GCC2: variants seen among roughly 807,000 people sequenced by gnomAD.
GCC2 encodes the protein GRIP and coiled-coil domain containing 2, also known as GRIP and coiled-coil domain-containing protein 2.
GCC2 carries 120 observed loss-of-function variants against 210.6 expected under a neutral mutation model. The observed-to-expected ratio is 0.57, with a 90% CI of 0.49 to 0.66. The LOEUF (loss-of-function observed/expected upper bound fraction) is 0.66. Ranked by LOEUF, GCC2 falls within the 30% of genes least tolerant of loss-of-function variation. The probability of loss-of-function intolerance (pLI) is 0.00; values close to 1 mark genes in which losing one functional copy is unlikely to be tolerated. For missense variants in GCC2, 1,868 were observed against 1,871.9 expected (o/e 1.00, Z 0.04); for synonymous variants, 703 against 652.7 (o/e 1.08, Z -1.17).
chr2:108,487,668 G>C, intron 16 of GCC2, 31 bp from the exon 17 acceptor site: 3 of 1,580,096 alleles, frequency 1.9e-6, no homozygotes, highest in Non-Finnish European at 2.6e-6. Flanking sequence ...TGTTACAGTA[G>C]AAAAACGTTT....
chr2:108,470,076 A>G lies in GCC2; in HGVS notation c.747A>G (p.Gln249=), dbSNP rs1157395042. The change falls in exon 6 of 23, where the codon CAA becomes CAG. Residue 249 remains glutamine (Q), a synonymous_variant. Coordinates refer to ENST00000309863, the MANE Select transcript of GCC2 (RefSeq NM_181453.4). ...TTTTACAGTTGAAAGCTATACACCAAGAAGAGGTGAAAGAGTTGATGTGCC... is the reference window on the plus strand; with the variant it reads ...TTTTACAGTTGAAAGCTATACACCAGGAAGAGGTGAAAGAGTTGATGTGCC... ...EELLQLKAIH[Q]EEVKELMCQI... 6.2e-7 allele frequency: 1 copy of G among 1,613,778 alleles called. No individual in the cohort carries two copies. The highest frequency in any genetic ancestry group is 1.7e-5 in the Admixed American group (1 of 60,016).
chr2:108,477,178 G>C (rs1681584324), intron 9 of GCC2, among the ~76,000 whole-genome samples: 1 of 151,946 alleles, frequency 6.6e-6, no homozygotes, highest in Non-Finnish European at 1.5e-5. Context: ...AAAGAAAAAA[G>C]TGACATCCTA....
chr2:108,470,971 C>A lies in GCC2; in HGVS notation c.1642C>A (p.Leu548Ile). ...CCTCCAGGGAGAAAATGAAAAGTTA[C>A]TATCTCAACAAGAATTGGTACCAGA... Reference protein sequence around the residue: ...NRLQGENEKLLSQQELVPELE... With the variant: ...NRLQGENEKLISQQELVPELE... Residue 548 changes from leucine to isoleucine, a missense_variant, in exon 6 of 23, where the codon CTA (leucine) becomes ATA (isoleucine). Leu to Ile is a conservative substitution (Grantham distance 5). Coordinates refer to ENST00000309863, the MANE Select transcript of GCC2 (RefSeq NM_181453.4). 6.2e-7 allele frequency: 1 copy of A among 1,613,146 alleles called. No individual in the cohort carries two copies. Among genetic ancestry groups the A allele is most frequent in the South Asian group, 1.1e-5 (1 of 91,030 alleles).
At chr2:108,493,242 A>T in intron 19 of GCC2, 2 of 346,080 alleles carry the variant, frequency 5.8e-6, no homozygotes, top group Non-Finnish European at 8.6e-6. Flanking sequence ...GGTGCCTGCC[A>T]CCAGGCCGGC....
chr2:108,500,113 G>A (rs930728527), intron 22 of GCC2, among the ~76,000 whole-genome samples: 2 of 151,132 alleles, frequency 1.3e-5, no homozygotes, highest in African/African-American at 2.4e-5. Context: ...TCTACTTCAC[G>A]CCTCTTCCTT....
At chr2:108,453,093 A>G (rs567098204) in intron 4 of GCC2, among the ~76,000 whole-genome samples, 1 of 152,342 alleles carries the variant, frequency 6.6e-6, no homozygotes, top group Admixed American at 6.5e-5. Context: ...TGTACAGTAT[A>G]TAATCTATAG....
At position 108,481,773 on chromosome 2, in the gene GCC2, G is replaced by C; in HGVS notation, c.3137G>C (p.Arg1046Pro). ...EKERANNFEH[R>P]IEDLTRQLRN... is the part of the protein sequence containing the mutation. ...GAACGTGCTAATAATTTTGAGCATC[G>C]TATTGAAGACCTTACAAGACAATTA... is the stretch of plus-strand genomic sequence containing the variant. The change falls in exon 10 of 23, where the codon CGT becomes CCT. Residue 1046 changes from arginine (R) to proline (P), a missense_variant. Around this residue, in one of 3 missense-constraint regions of GCC2, gnomAD observed 1,847 missense variants for 1,765.2 expected, o/e 1.05. Coordinates refer to ENST00000309863, the MANE Select transcript of GCC2 (RefSeq NM_181453.4). The C allele has an allele frequency of 3.1e-6, 5 of 1,602,960 alleles. No homozygotes were observed. Among genetic ancestry groups the C allele is most frequent in the Non-Finnish European group, 4.3e-6 (5 of 1,173,744 alleles).
rs73954346 is a variant in GCC2 at position 108,452,435 on chromosome 2, C to G, written c.185C>G (p.Pro62Arg). 4,255 of 1,558,460 alleles carry G rather than the reference C, an allele frequency of 2.7e-3. 101 individuals carry two copies. In the African/African-American group the frequency reaches 0.052, roughly 19 times the overall value. The change falls in exon 4 of 23, where the codon CCT becomes CGT. Residue 62 changes from proline to arginine, a missense_variant. This residue lies in a region of GCC2 where 1,847 missense variants were observed against 1,765.2 expected (regional missense o/e 1.05). Coordinates refer to ENST00000309863, the MANE Select transcript of GCC2 (RefSeq NM_181453.4). ...EKEIEELRSK[P>R]VTEGTGDIIK... ...GAAATTGAAGAACTCAGATCAAAAC[C>G]TGTTACTGAAGGAACTGGTGATATT...
rs1249329980 is a variant in GCC2 at position 108,483,064 on chromosome 2, A to G, written c.3348A>G (p.Glu1116=). The change falls in exon 12 of 23, where the codon GAA becomes GAG. Residue 1116 remains glutamate (E), a splice_region_variant and synonymous_variant. Transcript: ENST00000309863. ...EKLQKEQKIK[E]HATTVNELEE... The stretch of plus-strand genomic sequence containing the variant: ...GTTGTTTTTATTTTTAATTTCAGGA[A>G]CATGCCACTACTGTAAATGAACTTG... The G allele has an allele frequency of 1.3e-6, 2 of 1,512,006 alleles. No individual in the cohort carries two copies. Among genetic ancestry groups the G allele is most frequent in the South Asian group, 1.1e-5 (1 of 88,480 alleles). 93.7% of individuals were successfully genotyped at this position (1,512,006 alleles called of 1,614,324 possible). A position where few individuals can be genotyped will look rare whatever the true frequency, so the allele number is the denominator to read the frequency against.
rs760868283 is a variant in GCC2, at chr2:108,470,663, T to C, written c.1334T>C (p.Leu445Ser). ...KEISELNETF[L>S]SDSEKEKLTL... ...ATATCAGAACTAAATGAGACATTTT[T>C]GTCAGATTCAGAAAAAGAAAAATTA... The change falls in exon 6 of 23, where the codon TTG becomes TCG. Residue 445 changes from leucine (L) to serine (S), a missense_variant. Coordinates refer to ENST00000309863, the MANE Select transcript of GCC2 (RefSeq NM_181453.4). 7 of 1,611,930 alleles carry C rather than the reference T, an allele frequency of 4.3e-6. No homozygotes were observed. Among genetic ancestry groups the C allele is most frequent in the Non-Finnish European group, 5.9e-6 (7 of 1,178,844 alleles).
chr2:108,463,607 A>G (rs1017646360), intron 4 of GCC2, among the ~76,000 whole-genome samples: 3 of 152,082 alleles, frequency 2.0e-5, no homozygotes, highest in Admixed American at 2.0e-4. Context: ...TGGATTGAGC[A>G]TGCCTGTCCC....
At chr2:108,451,150 T>C in intron 3 of GCC2, 38 bp downstream of exon 3, 1 of 1,240,348 alleles carries the variant, frequency 8.1e-7, no homozygotes. Context: ...TCACAGTCTC[T>C]TTAATCGTGG....
chr2:108,492,381 C>G (rs1682447049), intron 18 of GCC2, among the ~76,000 whole-genome samples, 192 bp from the exon 19 acceptor site: 1 of 152,202 alleles, frequency 6.6e-6, no homozygotes, highest in Non-Finnish European at 1.5e-5. Flanking sequence ...ATTATTTGAA[C>G]TAGATGACAG....
intron 9 of GCC2, among the ~76,000 whole-genome samples, chr2:108,478,096 A>C (rs567118429): frequency 3.3e-5 from 5 of 152,302 alleles, no homozygotes; most frequent in African/African-American, 1.2e-4. Context: ...CTCTGGAAGA[A>C]ATTAATAGAT....
intron 22 of GCC2, among the ~76,000 whole-genome samples, chr2:108,505,395 CT>C (rs1573246914): frequency 6.6e-6 from 1 of 152,200 alleles, no homozygotes; most frequent in Non-Finnish European, 1.5e-5. Context: ...TCTCAGAATT[CT>C]TTGCCCTCAT....
intron 9 of GCC2, among the ~76,000 whole-genome samples, chr2:108,477,171 GAA>G (rs1681583909): frequency 6.6e-6 from 1 of 151,646 alleles, no homozygotes; most frequent in South Asian, 2.1e-4. Flanking sequence ...TAAATGAAAA[GAA>G]AAAAGTGACA....
intron 4 of GCC2, among the ~76,000 whole-genome samples, chr2:108,468,059 T>G (rs1231290561): frequency 3.6e-5 from 4 of 112,426 alleles, no homozygotes; most frequent in Non-Finnish European, 7.2e-5. Context: ...CATAATAATT[T>G]TCTTTTTCTT....
intron 4 of GCC2, 51 bp from the exon 5 acceptor site, chr2:108,468,929 G>T: frequency 8.5e-7 from 1 of 1,171,482 alleles, no homozygotes; most frequent in South Asian, 1.2e-5. Flanking sequence ...TACGCATGTG[G>T]TCAATCCACC....
intron 7 of GCC2, chr2:108,474,732 T>C (rs946201186): frequency 6.6e-6 from 1 of 152,248 alleles, no homozygotes; most frequent in African/African-American, 2.4e-5. Flanking sequence ...TTTCACTATT[T>C]GTTCCTGGCC....
Sources: allele counts gnomAD v4.1 joint callset (sites outside exome capture counted in the v4.1 genomes callset), GRCh38; gene constraint gnomAD v4.1.1; regional missense constraint gnomAD v4.1.1; transcripts MANE v1.5; gene names NCBI Gene and HGNC (gene_info 2026-07-23, HGNC 2026-07-21).